KIF4B: variants seen among roughly 807,000 people sequenced by gnomAD.
KIF4B encodes the protein kinesin family member 4B.
KIF4B carries 60 observed loss-of-function variants against 69.0 expected under a neutral mutation model. The observed-to-expected ratio is 0.87, with a 90% CI of 0.71 to 1.08. The LOEUF (loss-of-function observed/expected upper bound fraction) is 1.08. KIF4B is among the 50% of genes least tolerant of loss of function. The pLI, the probability that KIF4B is intolerant of heterozygous loss-of-function variation, is 0.00. For missense variants in KIF4B, 1,357 were observed against 1,451.9 expected (o/e 0.93, Z 1.06); for synonymous variants, 489 against 533.0 (o/e 0.92, Z 1.14).
Position 155,016,517 on chromosome 5 carries a change from C to G in KIF4B, c.2658C>G (p.Asn886Lys). ...SSKIHVTKLE[N>K]SLRQSKASCA... ...AAATACATGTCACCAAACTTGAAAA[C>G]AGCCTGAGACAGAGCAAGGCCAGCT... Residue 886 changes from asparagine to lysine, a missense_variant, in exon 1 of 1, where the codon AAC becomes AAG. By Grantham distance (94) the Asn-to-Lys change is moderately conservative (BLOSUM62 0). Coordinates refer to ENST00000435029, the MANE Select transcript of KIF4B (RefSeq NM_001099293.3). The G allele has an allele frequency of 1.2e-6, 2 of 1,614,176 alleles. No homozygotes were observed. Among genetic ancestry groups the G allele is most frequent in the Non-Finnish European group, 1.7e-6 (2 of 1,180,036 alleles).
In KIF4B at chr5:155,014,556, C is replaced by T. The variant is rs779481145; in HGVS notation, c.697C>T (p.Arg233Cys). Residue 233 changes from arginine (R) to cysteine (C), a missense_variant, in exon 1 of 1, where the codon CGC becomes TGC. Transcript: ENST00000435029. ...RKKSDKNCSF[R>C]SKLHLVDLAG... is the part of the protein sequence containing the mutation. Reference sequence around the variant, plus strand: ...GAAAAGTGACAAGAATTGCAGCTTTCGCTCCAAGCTGCATCTTGTAGATCT... The same window carrying T: ...GAAAAGTGACAAGAATTGCAGCTTTTGCTCCAAGCTGCATCTTGTAGATCT... 4.4e-5 allele frequency: 71 copies of T among 1,613,982 alleles called. No homozygotes were observed. Among genetic ancestry groups the T allele is most frequent in the East Asian group, 2.4e-4 (11 of 44,902 alleles).
Position 155,016,883 on chromosome 5 carries a change from T to C in KIF4B, c.3024T>C (p.Asn1008=), listed in dbSNP as rs760044051. Residue 1008 remains asparagine, a synonymous_variant, in exon 1 of 1, where the codon AAT becomes AAC. Coordinates refer to ENST00000435029, the MANE Select transcript of KIF4B (RefSeq NM_001099293.3). ...CCAGCAGACAGAAACATCTTCCTAA[T>C]GATACCCTTCTATCTCCAGACTCTT... is the stretch of plus-strand genomic sequence containing the variant. ...QVASRQKHLP[N]DTLLSPDSSF... is the part of the protein sequence containing the mutation. 3.7e-6 allele frequency: 6 copies of C among 1,614,222 alleles called. No homozygotes were observed. Among genetic ancestry groups the C allele is most frequent in the Non-Finnish European group, 5.1e-6 (6 of 1,180,044 alleles).
chr5:155,015,578 G>A lies in KIF4B; in HGVS notation c.1719G>A (p.Lys573=), dbSNP rs914442397. ...AATTAGAAGTCATCAATCTGCAAAA[G>A]GAAAAGGAAGAATTGGTTCGTGAAC... The part of the protein sequence containing the change: ...NLELEVINLQ[K]EKEELVRELQ... The change falls in exon 1 of 1, where the codon AAG becomes AAA. Residue 573 remains lysine (K), a synonymous_variant. Coordinates refer to ENST00000435029, the MANE Select transcript of KIF4B (RefSeq NM_001099293.3). 1 of 1,614,210 alleles carries A rather than the reference G, an allele frequency of 6.2e-7. No individual in the cohort carries two copies. Among genetic ancestry groups the A allele is most frequent in the Non-Finnish European group, 8.5e-7 (1 of 1,180,048 alleles).
Position 155,016,180 on chromosome 5 carries a change from T to C in KIF4B, c.2321T>C (p.Leu774Pro). 6.2e-7 allele frequency: 1 copy of C among 1,614,186 alleles called. No individual in the cohort carries two copies. Among genetic ancestry groups the C allele is most frequent in the Non-Finnish European group, 8.5e-7 (1 of 1,180,034 alleles). ...GACCTCCTTGAAGACAGAAAGATCC[T>C]GGCTCAGGATGTGGTTCAACTCAAA... is the stretch of plus-strand genomic sequence containing the variant. Reference protein sequence around the residue: ...LNDLLEDRKILAQDVVQLKEK... With the variant: ...LNDLLEDRKIPAQDVVQLKEK... The change falls in exon 1 of 1, where the codon CTG becomes CCG. Residue 774 changes from leucine (L) to proline (P), a missense_variant. By Grantham distance (98) the Leu-to-Pro change is moderately conservative. Coordinates refer to ENST00000435029, the MANE Select transcript of KIF4B (RefSeq NM_001099293.3).
In KIF4B at chr5:155,016,269, G is replaced by C. The variant is rs1765330911; in HGVS notation, c.2410G>C (p.Glu804Gln). Residue 804 changes from glutamate (E) to glutamine (Q), a missense_variant, in exon 1 of 1, where the codon GAG (glutamate) becomes CAG (glutamine). By Grantham distance (29) the Glu-to-Gln change is conservative. Coordinates refer to ENST00000435029, the MANE Select transcript of KIF4B (RefSeq NM_001099293.3). ...CCGGAAGTGTACATTCTCCCTTTCT[G>C]AGGTGCATGGTCAAGTTTTGGAGTC... ...KLRKCTFSLS[E>Q]VHGQVLESED... 3.1e-6 allele frequency: 5 copies of C among 1,614,072 alleles called. No individual in the cohort carries two copies. Among genetic ancestry groups the C allele is most frequent in the Non-Finnish European group, 3.4e-6 (4 of 1,180,036 alleles).
chr5:155,017,076 A>G lies in KIF4B; in HGVS notation c.3217A>G (p.Lys1073Glu). ...TGATGAGGGGGATGATGAGGAATGG[A>G]AGCCAACAAAATTAGTCAAGGTGTC... ...DSDEGDDEEW[K>E]PTKLVKVSRK... The change falls in exon 1 of 1, where the codon AAG (lysine) becomes GAG (glutamate). Residue 1073 changes from lysine to glutamate, a missense_variant. Transcript: ENST00000435029. The G allele has an allele frequency of 6.2e-7, 1 of 1,614,092 alleles. No individual in the cohort carries two copies. The highest frequency in any genetic ancestry group is 8.5e-7 in the Non-Finnish European group (1 of 1,179,954).
Position 155,015,075 on chromosome 5 carries a change from C to G in KIF4B, c.1216C>G (p.Leu406Val). ...GGAGAATGAAAAATTAAGTCGTTGT[C>G]TGAGCAAGGCAGCTGGTCAGACAGC... ...VEENEKLSRC[L>V]SKAAGQTAQM... Residue 406 changes from leucine to valine, a missense_variant, in exon 1 of 1, where the codon CTG (leucine) becomes GTG (valine). Physicochemically the swap from Leu to Val is conservative, Grantham distance 32. Transcript: ENST00000435029. 1 of 1,614,138 alleles carries G rather than the reference C, an allele frequency of 6.2e-7. No individual in the cohort carries two copies. The highest frequency in any genetic ancestry group is 8.5e-7 in the Non-Finnish European group (1 of 1,180,024).
rs1174162413 is a variant in KIF4B at position 155,015,666 on chromosome 5, C to T, written c.1807C>T (p.Gln603Ter). The T allele has an allele frequency of 1.9e-6, 3 of 1,614,170 alleles. No homozygotes were observed. Among genetic ancestry groups the T allele is most frequent in the East Asian group, 2.2e-5 (1 of 44,882 alleles). ...GAGTGAGCACCGCCACAAACTTCTC[C>T]AGGAGCTGGAGGGTCAAATAGCTGA... ...KLSEHRHKLL[Q>*]ELEGQIADLK... The change falls in exon 1 of 1, where the codon CAG (glutamine) becomes TAG (stop). Residue 603 changes from glutamine (Q) to a stop codon, truncating the protein, a stop_gained. Transcript: ENST00000435029. LOFTEE classifies it high-confidence loss of function.
chr5:155,016,525 G>A lies in KIF4B; in HGVS notation c.2666G>A (p.Arg889Lys). The change falls in exon 1 of 1, where the codon AGA becomes AAA. Residue 889 changes from arginine to lysine, a missense_variant. Coordinates refer to ENST00000435029, the MANE Select transcript of KIF4B (RefSeq NM_001099293.3). ...IHVTKLENSL[R>K]QSKASCADMQ... ...GTCACCAAACTTGAAAACAGCCTGA[G>A]ACAGAGCAAGGCCAGCTGTGCTGAC... The A allele has an allele frequency of 1.2e-6, 2 of 1,614,234 alleles. No homozygotes were observed. The highest frequency in any genetic ancestry group is 1.7e-6 in the Non-Finnish European group (2 of 1,180,044).
In KIF4B at chr5:155,017,669, C is replaced by T. The variant is rs113441753; in HGVS notation, c.*105C>T. 5.8e-5 allele frequency: 85 copies of T among 1,463,180 alleles called. No individual in the cohort carries two copies. In the African/African-American group the frequency reaches 8.4e-4, roughly 15 times the overall value. The allele number at this position is 1,463,180 out of a possible 1,614,324, so 90.6% of individuals were successfully genotyped here. ...CTTCTCTGGATTTCAGGTTTCTTGC[C>T]GTTGAAAAAAAGGAACAAAGCATTA... On this transcript the variant is annotated 3_prime_UTR_variant, in exon 1 of 1. Transcript: ENST00000435029.
At position 155,016,806 on chromosome 5, in the gene KIF4B, C is replaced by T. The variant is rs1470597934; in HGVS notation, c.2947C>T (p.Leu983Phe). Residue 983 changes from leucine to phenylalanine, a missense_variant, in exon 1 of 1, where the codon CTT becomes TTT. Coordinates refer to ENST00000435029, the MANE Select transcript of KIF4B (RefSeq NM_001099293.3). ...MREVCEQNQQ[L>F]LQENEIIKQK... ...AGAAGTGTGTGAGCAAAATCAGCAG[C>T]TTCTCCAAGAGAATGAAATCATCAA... is the stretch of plus-strand genomic sequence containing the variant. 15 of 1,614,020 alleles carry T rather than the reference C, an allele frequency of 9.3e-6. No homozygotes were observed. The highest frequency in any genetic ancestry group is 1.6e-4 in the Middle Eastern group (1 of 6,084).
chr5:155,014,202 A>G lies in KIF4B; in HGVS notation c.343A>G (p.Ile115Val), dbSNP rs1255492464. ...EQENEPTVGI[I>V]PRVIQLLFKE... ...GGAGAATGAACCAACAGTTGGCATT[A>G]TTCCTAGGGTAATACAACTGCTCTT... The change falls in exon 1 of 1, where the codon ATT (isoleucine) becomes GTT (valine). Residue 115 changes from isoleucine (I) to valine (V), a missense_variant. Ile to Val is a conservative substitution (Grantham distance 29, BLOSUM62 3). Transcript: ENST00000435029. The G allele has an allele frequency of 1.2e-6, 2 of 1,614,274 alleles. No homozygotes were observed. Among genetic ancestry groups the G allele is most frequent in the Non-Finnish European group, 8.5e-7 (1 of 1,180,056 alleles).
rs749835417 is a variant in KIF4B, at chr5:155,014,791, C to A, written c.932C>A (p.Ala311Asp). The A allele has an allele frequency of 3.2e-5, 51 of 1,614,018 alleles. No individual in the cohort carries two copies. Among genetic ancestry groups the A allele is most frequent in the Non-Finnish European group, 4.0e-5 (47 of 1,180,034 alleles). The change falls in exon 1 of 1, where the codon GCC (alanine) becomes GAC (aspartate). Residue 311 changes from alanine to aspartate, a missense_variant. By Grantham distance (126) the Ala-to-Asp change is moderately radical. Coordinates refer to ENST00000435029, the MANE Select transcript of KIF4B (RefSeq NM_001099293.3). ...LGGNSHTLMI[A>D]CVSPADSNLE... ...GGTAACAGCCACACTCTTATGATAG[C>A]CTGTGTGAGTCCTGCTGACTCCAAT...
In KIF4B at chr5:155,014,748, C is replaced by T; in HGVS notation, c.889C>T (p.Leu297=). Residue 297 remains leucine, a synonymous_variant, in exon 1 of 1, where the codon CTG becomes TTG. Transcript: ENST00000435029. ...CAGAGATTCCAAGTTAACTCGACTG[C>T]TGCAAGATTCTCTAGGAGGTAACAG... is the stretch of plus-strand genomic sequence containing the variant. ...PYRDSKLTRL[L]QDSLGGNSHT... The T allele has an allele frequency of 6.2e-7, 1 of 1,614,102 alleles. No individual in the cohort carries two copies. The highest frequency in any genetic ancestry group is 1.1e-5 in the South Asian group (1 of 91,076).
At position 155,015,961 on chromosome 5, in the gene KIF4B, G is replaced by T. The variant is rs199983305; in HGVS notation, c.2102G>T (p.Arg701Ile). The T allele has an allele frequency of 6.2e-7, 1 of 1,614,230 alleles. No homozygotes were observed. Among genetic ancestry groups the T allele is most frequent in the East Asian group, 2.2e-5 (1 of 44,888 alleles). ...TTCCAGAAACAATCCAGTGTGCTCA[G>T]ACGTAAAACGGAAGAGGCAGCAGCT... ...RNFQKQSSVL[R>I]RKTEEAAAAN... Residue 701 changes from arginine (R) to isoleucine (I), a missense_variant, in exon 1 of 1, where the codon AGA becomes ATA. Arg to Ile is a moderately conservative substitution (Grantham distance 97). Transcript: ENST00000435029.
In KIF4B at chr5:155,013,826, G is replaced by A. The variant is rs746962912; in HGVS notation, c.-34G>A. 7 of 1,609,418 alleles carry A rather than the reference G, an allele frequency of 4.3e-6. No individual in the cohort carries two copies. Among genetic ancestry groups the A allele is most frequent in the Non-Finnish European group, 5.9e-6 (7 of 1,177,584 alleles). ...GGAGACCCCGGGTGAACGGGGAAGG[G>A]ACATTTAGTTTGAGACGGTGCTGAG... On this transcript the variant is annotated 5_prime_UTR_variant, in exon 1 of 1. Transcript: ENST00000435029.
At position 155,017,509 on chromosome 5, in the gene KIF4B, C is replaced by T; in HGVS notation, c.3650C>T (p.Ala1217Val). Residue 1217 changes from alanine to valine, a missense_variant, in exon 1 of 1, where the codon GCT (alanine) becomes GTT (valine). Coordinates refer to ENST00000435029, the MANE Select transcript of KIF4B (RefSeq NM_001099293.3). ...GGGAAGAAAAAGAAACGAGCTCTGG[C>T]TAGCAACACCAGCTTCTTCTCTGGC... The part of the protein sequence containing the change: ...PPGKKKKRAL[A>V]SNTSFFSGCS... The T allele has an allele frequency of 6.2e-7, 1 of 1,613,894 alleles. No homozygotes were observed. Among genetic ancestry groups the T allele is most frequent in the South Asian group, 1.1e-5 (1 of 91,030 alleles).
chr5:155,016,470 A>T lies in KIF4B; in HGVS notation c.2611A>T (p.Ile871Phe). The T allele has an allele frequency of 6.2e-7, 1 of 1,614,216 alleles. No individual in the cohort carries two copies. The highest frequency in any genetic ancestry group is 8.5e-7 in the Non-Finnish European group (1 of 1,180,026). ...AGCCAAGTGTGCCCTGAAATATTTG[A>T]TTGGAGAGCTGGTCTCCTCCAAAAT... ...LEAKCALKYL[I>F]GELVSSKIHV... is the part of the protein sequence containing the mutation. The change falls in exon 1 of 1, where the codon ATT (isoleucine) becomes TTT (phenylalanine). Residue 871 changes from isoleucine to phenylalanine, a missense_variant. Transcript: ENST00000435029.
At position 155,017,483 on chromosome 5, in the gene KIF4B, A is replaced by C. The variant is rs1765350805; in HGVS notation, c.3624A>C (p.Pro1208=). 2 of 1,614,006 alleles carry C rather than the reference A, an allele frequency of 1.2e-6. No homozygotes were observed. Among genetic ancestry groups the C allele is most frequent in the African/African-American group, 1.3e-5 (1 of 74,922 alleles). Residue 1208 remains proline, a synonymous_variant, in exon 1 of 1, where the codon CCA becomes CCC. Coordinates refer to ENST00000435029, the MANE Select transcript of KIF4B (RefSeq NM_001099293.3). ...GATEYQQNKP[P]GKKKKRALAS... is the part of the protein sequence containing the mutation. Reference sequence around the variant, plus strand: ...CAGAATACCAACAAAATAAGCCTCCAGGGAAGAAAAAGAAACGAGCTCTGG... The same window carrying C: ...CAGAATACCAACAAAATAAGCCTCCCGGGAAGAAAAAGAAACGAGCTCTGG...
Sources: allele counts gnomAD v4.1 joint callset, GRCh38; gene constraint gnomAD v4.1.1; transcripts MANE v1.5; gene names NCBI Gene and HGNC (gene_info 2026-07-23, HGNC 2026-07-21).